The following MTRES1 variants were observed in gnomAD, a reference collection of about 807,000 sequenced individuals.
MTRES1 encodes mitochondrial transcription rescue factor 1.
Under a neutral mutation model 17.4 loss-of-function variants are expected in MTRES1, and 11 were observed. The observed-to-expected ratio is 0.63, with a 90% confidence interval of 0.40 to 1.05. The LOEUF is 1.05. MTRES1 is among the 50% of genes least tolerant of loss of function. The pLI is 0.00. For synonymous variants in MTRES1, 94 were observed against 99.6 expected, an observed-to-expected ratio of 0.94 and a Z score of 0.34; for missense variants, 268 against 276.2, an observed-to-expected ratio of 0.97 and a Z score of 0.21.
chr6:107,032,896 C>T (rs77426886), intron 1 of MTRES1, among the ~76,000 whole-genome samples: 2,470 of 152,244 alleles, frequency 0.016, 63 homozygotes, highest in African/African-American at 0.056. Flanking sequence ...CCTTGCTCTG[C>T]GCTCCAGCTG....
chr6:107,030,551 G>C (rs1463455072), intron 1 of MTRES1, among the ~76,000 whole-genome samples: 1 of 152,202 alleles, frequency 6.6e-6, no homozygotes, highest in African/African-American at 2.4e-5. Flanking sequence ...CATGGGGTAT[G>C]CTTAATTCTT....
chr6:107,035,050 C>T (rs553836592), intron 1 of MTRES1, among the ~76,000 whole-genome samples: 2 of 152,186 alleles, frequency 1.3e-5, no homozygotes, highest in Middle Eastern at 3.4e-3. Flanking sequence ...TGCCACTTAG[C>T]GTATTCTTAA....
At chr6:107,030,895 A>T (rs781850248) in intron 1 of MTRES1, among the ~76,000 whole-genome samples, 15 of 152,156 alleles carry the variant, frequency 9.9e-5, no homozygotes, top group South Asian at 2.1e-4. Context: ...AATTTGGGAG[A>T]AAGTTCTGGA....
chr6:107,041,585 G>A (rs1307080175), intron 2 of MTRES1, among the ~76,000 whole-genome samples: 1 of 152,042 alleles, frequency 6.6e-6, no homozygotes, highest in Non-Finnish European at 1.5e-5. Context: ...GAGTGCCATG[G>A]CACGATCTCG....
In MTRES1 at chr6:107,051,345, T is replaced by G; in HGVS notation, c.*109T>G. The G allele has an allele frequency of 4.9e-6, 5 of 1,010,402 alleles. No individual in the cohort carries two copies. The highest frequency in any genetic ancestry group is 7.1e-6 in the Non-Finnish European group (5 of 704,888). 62.6% of individuals were successfully genotyped at this position (1,010,402 alleles called of 1,614,324 possible). On this transcript the variant is annotated 3_prime_UTR_variant, in exon 4 of 4. Coordinates refer to ENST00000311381, the MANE Select transcript of MTRES1 (RefSeq NM_016487.5). ...AAGTTCTCTTAGCGTTTGTGGAATC[T>G]GCCGAGCCATTTTGTGGAAATTGGG...
At chr6:107,047,695 G>C (rs1412922188) in intron 3 of MTRES1, among the ~76,000 whole-genome samples, 2 of 151,946 alleles carry the variant, frequency 1.3e-5, no homozygotes, top group African/African-American at 4.8e-5. Flanking sequence ...GACCAGCCTG[G>C]CCAACATGGT....
chr6:107,030,407 G>A lies in MTRES1; in HGVS notation c.-13+2136G>A, dbSNP rs116221883. Among the ~76,000 whole-genome samples the A allele has an allele frequency of 2.6e-3, 400 of 152,260 alleles. 1 individual carries two copies. The highest frequency in any genetic ancestry group is 9.1e-3 in the African/African-American group (379 of 41,542). Reference sequence around the variant, plus strand: ...TAAGAGGACTCAAAAGACTCAGCACGTAGTCATACTCACAGCTGTGATTTA... The same window carrying A: ...TAAGAGGACTCAAAAGACTCAGCACATAGTCATACTCACAGCTGTGATTTA... On this transcript the variant is annotated intron_variant, in intron 1 of 3. Transcript: ENST00000311381.
At position 107,051,171 on chromosome 6, in the gene MTRES1, AAATAC is replaced by A. The variant is rs782033445; in HGVS notation, c.660_664del (p.Tyr221SerfsTer13). 6.8e-6 allele frequency: 11 copies of A among 1,614,200 alleles called. No individual in the cohort carries two copies. Among genetic ancestry groups the A allele is most frequent in the Non-Finnish European group, 8.5e-7 (1 of 1,180,018 alleles). On this transcript the variant is annotated frameshift_variant, in exon 4 of 4. Coordinates refer to ENST00000311381, the MANE Select transcript of MTRES1 (RefSeq NM_016487.5). LOFTEE classifies it high-confidence loss of function. The stretch of plus-strand genomic sequence containing the variant: ...GTTTGAAGAGAAGACTGAAAGTGAA[AAATAC>A]AGAGTGGTGTTACGGCGGTGGAAAA...
At chr6:107,050,160 A>G (rs1041726695) in intron 3 of MTRES1, among the ~76,000 whole-genome samples, 42 of 152,352 alleles carry the variant, frequency 2.8e-4, no homozygotes, top group African/African-American at 9.6e-4. Context: ...GCCCCAGGGC[A>G]TGCATTGCAC....
At chr6:107,048,512 TGGC>T (rs1774470088) in intron 3 of MTRES1, among the ~76,000 whole-genome samples, 1 of 151,188 alleles carries the variant, frequency 6.6e-6, no homozygotes, top group Non-Finnish European at 1.5e-5. Flanking sequence ...TTGGGCGCGG[TGGC>T]TCACACTTGT....
In MTRES1 at chr6:107,040,216, A is replaced by G; in HGVS notation, c.456A>G (p.Leu152=). 1 of 1,588,638 alleles carries G rather than the reference A, an allele frequency of 6.3e-7. No homozygotes were observed. Among genetic ancestry groups the G allele is most frequent in the Non-Finnish European group, 8.5e-7 (1 of 1,172,176 alleles). ...ATGATGTTGTCCTGAAGACGGGGCT[A>G]GATATTGGGAGAAAGTGAGTATGAT... ...FRYDVVLKTG[L]DIGRNKVEDA... is the part of the protein sequence containing the mutation. Residue 152 remains leucine, a synonymous_variant, in exon 2 of 4, where the codon CTA becomes CTG. Transcript: ENST00000311381.
chr6:107,050,695 GC>G (rs782692861), intron 3 of MTRES1, among the ~76,000 whole-genome samples: 8 of 151,522 alleles, frequency 5.3e-5, no homozygotes, highest in South Asian at 2.1e-4. Flanking sequence ...TCCTGCCACA[GC>G]CTTCCGAGTA....
At chr6:107,029,336 T>C (rs371887403) in intron 1 of MTRES1, among the ~76,000 whole-genome samples, 204 of 151,516 alleles carry the variant, frequency 1.3e-3, no homozygotes, top group East Asian at 4.1e-3. Context: ...TACAGGCGCC[T>C]GCCACCACGC....
At chr6:107,030,057 A>AT (rs781933080) in intron 1 of MTRES1, 2 of 717,344 alleles carry the variant, frequency 2.8e-6, no homozygotes, top group East Asian at 2.7e-5. Context: ...GAATCTTCGT[A>AT]TTTTTTTCCT....
chr6:107,029,962 A>G, intron 1 of MTRES1: 1 of 655,340 alleles, frequency 1.5e-6, no homozygotes. Flanking sequence ...CAGTGCATTA[A>G]CCACCAGCTA....
At chr6:107,043,761 C>T (rs1327201742) in intron 2 of MTRES1, among the ~76,000 whole-genome samples, 2 of 152,254 alleles carry the variant, frequency 1.3e-5, no homozygotes, top group Middle Eastern at 3.4e-3. Flanking sequence ...ACAGTTTGGA[C>T]CCGTGCTGGC....
intron 1 of MTRES1, chr6:107,030,136 A>C (rs1554226263): frequency 1.4e-6 from 1 of 718,412 alleles, no homozygotes; most frequent in Admixed American, 2.0e-5. Context: ...GGAGGATGCC[A>C]GTGTTGCTGA....
At chr6:107,047,309 AC>A (rs1428803556) in intron 3 of MTRES1, among the ~76,000 whole-genome samples, 1 of 151,448 alleles carries the variant, frequency 6.6e-6, no homozygotes, top group Non-Finnish European at 1.5e-5. Flanking sequence ...TGCAACCTTG[AC>A]CTTCTGGGCT....
At chr6:107,028,921 T>C (rs2114932201) in intron 1 of MTRES1, 1 of 976,572 alleles carries the variant, frequency 1.0e-6, no homozygotes. Context: ...TGAACTTCCA[T>C]CAGGTCACTT....
Sources: allele counts gnomAD v4.1 joint callset (sites outside exome capture counted in the v4.1 genomes callset), GRCh38; gene constraint gnomAD v4.1.1; transcripts MANE v1.5; gene names NCBI Gene and HGNC (gene_info 2026-07-23, HGNC 2026-07-21).